The following RPS6KA3 variants were observed in gnomAD, a reference collection of about 807,000 sequenced individuals.
RPS6KA3 encodes the protein ribosomal protein S6 kinase A3, also known as ribosomal protein S6 kinase alpha-3.
RPS6KA3 carries 4 observed loss-of-function variants against 67.2 expected under a neutral mutation model. The observed-to-expected ratio is 0.06, with a 90% CI of 0.03 to 0.14. The LOEUF (loss-of-function observed/expected upper bound fraction) is 0.14, where lower values mean the gene tolerates loss of function less well. Ranked by LOEUF, RPS6KA3 falls within the 10% of genes least tolerant of loss-of-function variation. The pLI is 1.00. For synonymous variants in RPS6KA3, 182 were observed against 183.7 expected, an observed-to-expected ratio of 0.99 and a Z score of 0.07; for missense variants, 204 against 559.0, an observed-to-expected ratio of 0.36 and a Z score of 6.40.
At position 20,197,246 on chromosome X, in the gene RPS6KA3, C is replaced by T. The variant is rs12353920; in HGVS notation, c.326-2101G>A. 2.4e-3 allele frequency among the ~76,000 whole-genome samples: 272 copies of T among 112,765 alleles called. 2 individuals carry two copies. The highest frequency in any genetic ancestry group is 8.5e-3 in the African/African-American group (265 of 31,080). On this transcript the variant is annotated intron_variant, in intron 4 of 21. Transcript: ENST00000379565. ...CTGTCCTTTTCTCATTATTACCATA[C>T]AATTTTGGATTAGTTCCTATCACCT... is the stretch of plus-strand genomic sequence containing the variant.
rs747565808 is a variant in RPS6KA3, at chrX:20,222,705, C to A, written c.126+12053G>T. ...CATTGGTTATTGACTAGACATATAT[C>A]ATTATGGTTTAGGGTATGAGATATA... On this transcript the variant is annotated intron_variant, in intron 2 of 21. Transcript: ENST00000379565. Among the ~76,000 whole-genome samples the A allele has an allele frequency of 9.9e-5, 11 of 111,297 alleles. No individual in the cohort carries two copies. In the South Asian group the frequency reaches 2.6e-3, roughly 26 times the overall value.
At chrX:20,242,628 G>A (rs1223574348) in intron 1 of RPS6KA3, among the ~76,000 whole-genome samples, 2 of 111,816 alleles carry the variant, frequency 1.8e-5, no homozygotes, top group Non-Finnish European at 3.8e-5. Flanking sequence ...AAAATAATAT[G>A]ACGGAAACCA....
At chrX:20,179,525 G>T (rs1191779548) in intron 10 of RPS6KA3, among the ~76,000 whole-genome samples, 1 of 111,111 alleles carries the variant, frequency 9.0e-6, no homozygotes, top group Non-Finnish European at 1.9e-5. Context: ...ACTGCAATTG[G>T]CTGAATCACA....
chrX:20,151,008 A>G lies in RPS6KA3; in HGVS notation c.*4390T>C, dbSNP rs1250920618. On this transcript the variant is annotated 3_prime_UTR_variant, in exon 22 of 22. Transcript: ENST00000379565. ...CCAACCCTCGGTATGCCCTGTTATG[A>G]ACAGTTAAAAAACTAGAATCAAAGT... is the stretch of plus-strand genomic sequence containing the variant. 8.9e-6 allele frequency: 1 copy of G among 112,526 alleles called. No homozygotes were observed. Among genetic ancestry groups the G allele is most frequent in the Non-Finnish European group, 1.9e-5 (1 of 53,258 alleles). The allele number at this position is 112,526 out of a possible 1,213,427, so 9.3% of individuals were successfully genotyped here. A position where few individuals can be genotyped will look rare whatever the true frequency, so the allele number is the denominator to read the frequency against.
intron 11 of RPS6KA3, 137 bp downstream of exon 11, chrX:20,176,859 T>TG: frequency 2.0e-6 from 1 of 507,958 alleles, no homozygotes; most frequent in Admixed American, 3.3e-5. Context: ...CCCAAAGTGC[T>TG]GGGATTACAG....
chrX:20,256,199 A>AAAAG (rs2070057741), intron 1 of RPS6KA3, among the ~76,000 whole-genome samples: 1 of 103,002 alleles, frequency 9.7e-6, no homozygotes, highest in African/African-American at 3.6e-5. Flanking sequence ...AAAAAAAAAA[A>AAAAG]GAAAAAAAAA....
intron 10 of RPS6KA3, among the ~76,000 whole-genome samples, 194 bp downstream of exon 10, chrX:20,186,102 C>T (rs921411940): frequency 1.8e-5 from 2 of 110,895 alleles, no homozygotes; most frequent in African/African-American, 6.6e-5. Flanking sequence ...CCACCATGCC[C>T]GGCTAAGTTT....
intron 2 of RPS6KA3, among the ~76,000 whole-genome samples, chrX:20,226,198 A>C (rs1230977594): frequency 9.0e-6 from 1 of 111,453 alleles, no homozygotes; most frequent in Admixed American, 9.5e-5. Flanking sequence ...TAAATACATA[A>C]ATAAGAAGTA....
At chrX:20,260,853 A>T (rs1377106729) in intron 1 of RPS6KA3, among the ~76,000 whole-genome samples, 5 of 111,859 alleles carry the variant, frequency 4.5e-5, no homozygotes, top group Non-Finnish European at 9.4e-5. Context: ...TAACTTGCAT[A>T]GGGTTACAAA....
intron 17 of RPS6KA3, among the ~76,000 whole-genome samples, 183 bp from the exon 18 acceptor site, chrX:20,165,243 G>A (rs1279015611): frequency 8.9e-6 from 1 of 111,733 alleles, no homozygotes; most frequent in Non-Finnish European, 1.9e-5. Context: ...CGGGGGCAAG[G>A]AGGAGGAGGA....
chrX:20,168,391 T>G (rs7049476), intron 16 of RPS6KA3, among the ~76,000 whole-genome samples: 45,574 of 110,402 alleles, frequency 0.41, 10,204 homozygotes, highest in African/African-American at 0.86. Flanking sequence ...AATTCAGACA[T>G]AACAGCATGG....
chrX:20,188,392 A>G (rs1389795843), intron 8 of RPS6KA3, 105 bp downstream of exon 8: 2 of 486,814 alleles, frequency 4.1e-6, no homozygotes, highest in Non-Finnish European at 7.1e-6. Context: ...CAAGTTTTTA[A>G]TTTTAATACA....
chrX:20,249,129 TTGTG>T lies in RPS6KA3; in HGVS notation c.70-14319_70-14316del, dbSNP rs747341113. 6.4e-3 allele frequency among the ~76,000 whole-genome samples: 719 copies of T among 112,331 alleles called. 6 individuals are homozygous for T. Among genetic ancestry groups the T allele is most frequent in the Non-Finnish European group, 9.7e-3 (519 of 53,283 alleles). ...AATCCCTTGAGATTCATCCAAGCTG[TTGTG>T]TGTATCGACAATTCATTCCTTTTTA... On this transcript the variant is annotated intron_variant, in intron 1 of 21. Coordinates refer to ENST00000379565, the MANE Select transcript of RPS6KA3 (RefSeq NM_004586.3).
intron 2 of RPS6KA3, among the ~76,000 whole-genome samples, chrX:20,214,881 C>A: frequency 9.7e-6 from 1 of 103,292 alleles, no homozygotes; most frequent in African/African-American, 3.6e-5. Flanking sequence ...CTCTGTCACC[C>A]ACGCTGGAGT....
At chrX:20,187,120 T>C (rs2068004974) in intron 9 of RPS6KA3, among the ~76,000 whole-genome samples, 1 of 112,080 alleles carries the variant, frequency 8.9e-6, no homozygotes, top group Admixed American at 9.5e-5. Context: ...TTTCACCATG[T>C]TGGCCAGGCT....
At chrX:20,176,943 A>T in intron 11 of RPS6KA3, 53 bp downstream of exon 11, 1 of 921,543 alleles carries the variant, frequency 1.1e-6, no homozygotes, top group Non-Finnish European at 1.6e-6. Flanking sequence ...ACTCCCCGCT[A>T]AAAACAAACA....
chrX:20,231,008 G>C (rs1051105602), intron 2 of RPS6KA3, among the ~76,000 whole-genome samples: 1 of 110,170 alleles, frequency 9.1e-6, no homozygotes, highest in Non-Finnish European at 1.9e-5. Context: ...TGCCCAGGCT[G>C]GAGTGCAGTG....
chrX:20,242,268 G>A (rs1305820331), intron 1 of RPS6KA3, among the ~76,000 whole-genome samples: 4 of 111,405 alleles, frequency 3.6e-5, no homozygotes, highest in Admixed American at 2.9e-4. Context: ...AAAACCATTA[G>A]TTTTAGTAGT....
rs111779571 is a variant in RPS6KA3 at position 20,181,482 on chromosome X, G to A, written c.846-4398C>T. ...TTCTGCTCCTTCCCTCACACAGTAA[G>A]GAGTCACTATTATGAGTACAGAATT... is the stretch of plus-strand genomic sequence containing the variant. On this transcript the variant is annotated intron_variant, in intron 10 of 21. Coordinates refer to ENST00000379565, the MANE Select transcript of RPS6KA3 (RefSeq NM_004586.3). 3.5e-3 allele frequency among the ~76,000 whole-genome samples: 389 copies of A among 110,774 alleles called. 4 individuals are homozygous for A. The highest frequency in any genetic ancestry group is 0.012 in the African/African-American group (371 of 30,510).
Sources: gnomAD v4.1 joint callset for allele counts (sites outside exome capture counted in the v4.1 genomes callset) on GRCh38, gnomAD v4.1.1 for gene constraint, MANE v1.5 for transcripts, NCBI Gene and HGNC (gene_info 2026-07-23, HGNC 2026-07-21) for gene names.